ARFGEF1: variants seen among roughly 807,000 people sequenced by gnomAD.
ARFGEF1 encodes ARF guanine nucleotide exchange factor 1, also known as brefeldin A-inhibited guanine nucleotide-exchange protein 1.
Under a neutral mutation model 231.0 loss-of-function variants are expected in ARFGEF1, and 42 were observed. The observed-to-expected ratio is 0.18, with a 90% confidence interval of 0.14 to 0.24. The LOEUF is 0.24. Among genes scored for constraint, ARFGEF1 ranks in the 10% least tolerant of loss-of-function variants. The probability of loss-of-function intolerance (pLI) is 1.00; values close to 1 mark genes in which losing one functional copy is unlikely to be tolerated. For missense variants in ARFGEF1, 1,345 were observed against 2,192.0 expected (o/e 0.61, Z 7.72); for synonymous variants, 710 against 732.3 (o/e 0.97, Z 0.49).
intron 34 of ARFGEF1, among the ~76,000 whole-genome samples, chr8:67,210,373 G>A (rs945505971): frequency 7.3e-5 from 11 of 151,572 alleles, no homozygotes; most frequent in African/African-American, 1.7e-4. Flanking sequence ...CCAGCTACTC[G>A]GGAGGCTAAG....
At chr8:67,283,043 A>AT (rs1805603496) in intron 7 of ARFGEF1, among the ~76,000 whole-genome samples, 1 of 152,118 alleles carries the variant, frequency 6.6e-6, no homozygotes, top group Non-Finnish European at 1.5e-5. Flanking sequence ...TCAAAAAAAG[A>AT]TAAGTAGTCC....
chr8:67,233,052 C>T (rs1448763288), intron 22 of ARFGEF1, 107 bp from the exon 23 acceptor site: 1 of 889,676 alleles, frequency 1.1e-6, no homozygotes, highest in Non-Finnish European at 1.7e-6. Flanking sequence ...TTCCTAATAA[C>T]AGAATGCTTC....
intron 4 of ARFGEF1, among the ~76,000 whole-genome samples, chr8:67,297,645 C>G (rs1238870211): frequency 2.0e-5 from 3 of 152,152 alleles, no homozygotes; most frequent in Non-Finnish European, 4.4e-5. Context: ...TGTGAATTTT[C>G]ACATATTGGG....
At position 67,248,034 on chromosome 8, in the gene ARFGEF1, T is replaced by C. The variant is rs141965779; in HGVS notation, c.2850+3265A>G. ...AGGACACCAGAAAAATTGAAAGATA[T>C]TTTATGTTTATGGATTAGAAGAATC... On this transcript the variant is annotated intron_variant, in intron 19 of 38. Transcript: ENST00000262215. 3.7e-4 allele frequency among the ~76,000 whole-genome samples: 56 copies of C among 150,290 alleles called. 1 individual carries two copies. Among genetic ancestry groups the C allele is most frequent in the African/African-American group, 8.7e-4 (35 of 40,278 alleles).
intron 5 of ARFGEF1, among the ~76,000 whole-genome samples, chr8:67,187,992 C>G (rs1237944756): frequency 2.0e-5 from 3 of 152,062 alleles, no homozygotes; most frequent in African/African-American, 7.2e-5. Flanking sequence ...GATACAAAAC[C>G]AAAGGCACAA....
intron 1 of ARFGEF1, among the ~76,000 whole-genome samples, chr8:67,339,135 C>T (rs1808482565): frequency 6.6e-6 from 1 of 152,106 alleles, no homozygotes; most frequent in African/African-American, 2.4e-5. Flanking sequence ...TATAAGAAAA[C>T]TAAGTCAGCA....
At chr8:67,221,334 A>G (rs114617405) in intron 29 of ARFGEF1, among the ~76,000 whole-genome samples, 1,897 of 152,298 alleles carry the variant, frequency 0.012, 43 homozygotes, top group African/African-American at 0.044. Context: ...TGACAGCTCC[A>G]TATGTGTTAC....
chr8:67,179,223 C>T (rs13276373), intron 5 of ARFGEF1, among the ~76,000 whole-genome samples: 9 of 152,050 alleles, frequency 5.9e-5, no homozygotes, highest in Non-Finnish European at 1.0e-4. Flanking sequence ...TTTGGGAGCT[C>T]ATTATAATAA....
Position 67,343,589 on chromosome 8 carries a change from C to T in ARFGEF1, c.-302G>A. ...CGGCCGCCCCTCTCACTCGTCCCTC[C>T]GGCCCTGGTGGCGGTGAGGGAGCCC... On this transcript the variant is annotated 5_prime_UTR_variant, in exon 1 of 39. Transcript: ENST00000262215. The T allele has an allele frequency of 1.9e-6, 2 of 1,076,592 alleles. No individual in the cohort carries two copies. The highest frequency in any genetic ancestry group is 2.3e-6 in the Non-Finnish European group (2 of 888,872). 66.7% of individuals were successfully genotyped at this position (1,076,592 alleles called of 1,614,324 possible).
intron 18 of ARFGEF1, among the ~76,000 whole-genome samples, chr8:67,252,782 T>C (rs1024776863): frequency 5.9e-5 from 9 of 152,320 alleles, no homozygotes; most frequent in African/African-American, 1.9e-4. Flanking sequence ...GTGATGTAAC[T>C]TGTGGTCTGT....
At chr8:67,278,777 T>C (rs1587201068) in intron 7 of ARFGEF1, among the ~76,000 whole-genome samples, 1 of 151,766 alleles carries the variant, frequency 6.6e-6, no homozygotes, top group East Asian at 1.9e-4. Flanking sequence ...ACCTGAGAGG[T>C]CAAAAAAACT....
At chr8:67,330,557 A>G (rs984790220) in intron 1 of ARFGEF1, among the ~76,000 whole-genome samples, 2 of 152,216 alleles carry the variant, frequency 1.3e-5, no homozygotes, top group Non-Finnish European at 2.9e-5. Flanking sequence ...CAAGATAACT[A>G]TAGACACAGA....
chr8:67,201,842 T>C, intron 36 of ARFGEF1: 1 of 459,436 alleles, frequency 2.2e-6, no homozygotes, highest in Non-Finnish European at 3.8e-6. Context: ...ACCCTTCACA[T>C]GAAACTGCAC....
chr8:67,205,474 T>A (rs1366396784), intron 34 of ARFGEF1, among the ~76,000 whole-genome samples: 1 of 152,236 alleles, frequency 6.6e-6, no homozygotes, highest in African/African-American at 2.4e-5. Flanking sequence ...ACAAATTTTT[T>A]AATTCAACAA....
intron 20 of ARFGEF1, among the ~76,000 whole-genome samples, chr8:67,239,257 C>T (rs1001551351): frequency 2.6e-5 from 4 of 152,160 alleles, no homozygotes; most frequent in African/African-American, 4.8e-5. Flanking sequence ...CTGCCCGCCT[C>T]GACCTCCCAA....
intron 17 of ARFGEF1, among the ~76,000 whole-genome samples, chr8:67,256,004 T>C (rs373939078): frequency 2.8e-4 from 43 of 152,374 alleles, no homozygotes; most frequent in African/African-American, 9.1e-4. Flanking sequence ...GCATATAATA[T>C]TGCTTATTCA....
At chr8:67,289,000 C>T (rs977656594) in intron 6 of ARFGEF1, among the ~76,000 whole-genome samples, 55 of 151,830 alleles carry the variant, frequency 3.6e-4, no homozygotes, top group Admixed American at 3.5e-3. Flanking sequence ...AACTGCCAAT[C>T]GAACTTCTGA....
intron 29 of ARFGEF1, among the ~76,000 whole-genome samples, chr8:67,223,870 G>A (rs1212469933): frequency 6.6e-6 from 1 of 152,086 alleles, no homozygotes; most frequent in Non-Finnish European, 1.5e-5. Context: ...GTTCCTAACA[G>A]GTCCACTGAT....
chr8:67,330,876 T>C (rs1383365845), intron 1 of ARFGEF1, among the ~76,000 whole-genome samples: 1 of 152,150 alleles, frequency 6.6e-6, no homozygotes, highest in Admixed American at 6.5e-5. Context: ...AATGGAAGCA[T>C]GGGGACCCAA....
Sources: gnomAD v4.1 joint callset for allele counts (sites outside exome capture counted in the v4.1 genomes callset) on GRCh38, gnomAD v4.1.1 for gene constraint, MANE v1.5 for transcripts, NCBI Gene and HGNC (gene_info 2026-07-23, HGNC 2026-07-21) for gene names.